The following APBB2 variants were observed in gnomAD, a reference collection of about 807,000 sequenced individuals.
APBB2 encodes Fe65-like 1.
A neutral mutation model predicts 82.5 loss-of-function variants in APBB2; 38 were observed. That is an observed-to-expected ratio of 0.46 (90% CI 0.36 to 0.60). APBB2 has a LOEUF of 0.60. APBB2 is among the 20% of genes least tolerant of loss of function. The probability of loss-of-function intolerance (pLI) is 0.00; values close to 1 mark genes in which losing one functional copy is unlikely to be tolerated. For missense variants in APBB2, 772 were observed against 972.3 expected (o/e 0.79, Z 2.74); for synonymous variants, 341 against 368.2 (o/e 0.93, Z 0.85).
chr4:41,041,089 C>G (rs1181784240), intron 4 of APBB2, among the ~76,000 whole-genome samples: 2 of 152,106 alleles, frequency 1.3e-5, no homozygotes, highest in East Asian at 3.8e-4. Context: ...ACCGTGTTAG[C>G]CAGGATGGTC....
Position 40,948,890 on chromosome 4 carries a change from C to CAAAA in APBB2, c.836-3821_836-3818dup, listed in dbSNP as rs59172492. On this transcript the variant is annotated intron_variant, in intron 6 of 17. Transcript: ENST00000508593. ...GGTGACAGAAGTGAGATCCTGTCTC[C>CAAAA]AAAAAAAAAAAAAAAAAAAAAAAAA... 1.8e-3 allele frequency among the ~76,000 whole-genome samples: 178 copies of CAAAA among 101,572 alleles called. 2 individuals carry two copies. The highest frequency in any genetic ancestry group is 6.1e-3 in the Middle Eastern group (1 of 164). 66.6% of individuals were successfully genotyped at this position (101,572 alleles called of 152,430 possible).
intron 4 of APBB2, among the ~76,000 whole-genome samples, chr4:41,059,600 G>T (rs148250080): frequency 1.3e-5 from 2 of 152,402 alleles, no homozygotes; most frequent in African/African-American, 4.8e-5. Flanking sequence ...AATAGCATGA[G>T]CAATTTATGC....
chr4:41,166,833 G>A (rs961915209), intron 1 of APBB2, among the ~76,000 whole-genome samples: 3 of 152,084 alleles, frequency 2.0e-5, no homozygotes, highest in African/African-American at 7.2e-5. Context: ...GGAGGCAGAC[G>A]TTGCAGTGAG....
intron 10 of APBB2, among the ~76,000 whole-genome samples, chr4:40,895,639 C>T (rs1218229969): frequency 6.6e-6 from 1 of 152,196 alleles, no homozygotes; most frequent in Admixed American, 6.5e-5. Flanking sequence ...CAGTCTGATC[C>T]CTAAGTGCCC....
At chr4:40,886,929 T>C (rs1770478978) in intron 12 of APBB2, among the ~76,000 whole-genome samples, 1 of 152,138 alleles carries the variant, frequency 6.6e-6, no homozygotes, top group African/African-American at 2.4e-5. Context: ...AAAACTCAAC[T>C]ATGGCCAAGA....
intron 1 of APBB2, among the ~76,000 whole-genome samples, chr4:41,194,654 A>C: frequency 6.6e-6 from 1 of 151,886 alleles, no homozygotes; most frequent in South Asian, 2.1e-4. Context: ...ACAGAGCAAG[A>C]CCTTGCCTCA....
At chr4:41,146,667 G>A (rs1760852028) in intron 1 of APBB2, among the ~76,000 whole-genome samples, 1 of 152,000 alleles carries the variant, frequency 6.6e-6, no homozygotes, top group African/African-American at 2.4e-5. Flanking sequence ...ATCTACCTAT[G>A]GTATCCACGC....
Position 40,813,061 on chromosome 4 carries a change from T to C in APBB2, c.*3031A>G, listed in dbSNP as rs1315026238. 6.6e-6 allele frequency: 1 copy of C among 152,242 alleles called. No homozygotes were observed. Among genetic ancestry groups the C allele is most frequent in the Admixed American group, 6.5e-5 (1 of 15,290 alleles). 9.4% of individuals were successfully genotyped at this position (152,242 alleles called of 1,614,324 possible). A position where few individuals can be genotyped will look rare whatever the true frequency, so the allele number is the denominator to read the frequency against. On this transcript the variant is annotated 3_prime_UTR_variant, in exon 18 of 18. Coordinates refer to ENST00000508593, the MANE Select transcript of APBB2 (RefSeq NM_004307.2). ...TTGATGTTGCCAAGGAGCAGATGTA[T>C]GAGGTGGCAAGTCTGTGTCTATCTA...
intron 5 of APBB2, among the ~76,000 whole-genome samples, chr4:41,029,010 T>C (rs1406102500): frequency 6.6e-6 from 1 of 152,216 alleles, no homozygotes; most frequent in African/African-American, 2.4e-5. Context: ...CTGCTCTCCC[T>C]TTACTCCCGC....
rs181053551 is a variant in APBB2 at position 41,099,854 on chromosome 4, T to C, written c.-149+785A>G. Among the ~76,000 whole-genome samples, 13 of 152,286 alleles carry C rather than the reference T, an allele frequency of 8.5e-5. No homozygotes were observed. The East Asian group carries it at 2.1e-3, about 25-fold the overall frequency. ...TTTCTGGAACATGCTAGAGAGGATA[T>C]TTGTGTATGTTTCTGTGCGTGCACG... On this transcript the variant is annotated intron_variant, in intron 3 of 17. Transcript: ENST00000508593.
intron 1 of APBB2, among the ~76,000 whole-genome samples, chr4:41,175,060 A>C (rs2154056865): frequency 6.6e-6 from 1 of 152,328 alleles, no homozygotes; most frequent in Non-Finnish European, 1.5e-5. Context: ...AAGGAAAACT[A>C]GAAATAGTTT....
chr4:41,110,865 T>C (rs1748958721), intron 2 of APBB2, among the ~76,000 whole-genome samples: 2 of 152,162 alleles, frequency 1.3e-5, no homozygotes. Context: ...GGGTTTAGGA[T>C]AATTCAAATG....
intron 10 of APBB2, among the ~76,000 whole-genome samples, chr4:40,917,777 T>G (rs1780205955): frequency 1.3e-5 from 2 of 152,206 alleles, no homozygotes; most frequent in Admixed American, 6.5e-5. Flanking sequence ...TGAGGAGTAT[T>G]TGCAGAACAG....
At chr4:41,144,435 G>A (rs1051028029) in intron 1 of APBB2, among the ~76,000 whole-genome samples, 1 of 152,154 alleles carries the variant, frequency 6.6e-6, no homozygotes, top group African/African-American at 2.4e-5. Flanking sequence ...GGAATGGAAA[G>A]CTATTTGTAT....
chr4:41,014,086 GC>G lies in APBB2; in HGVS notation c.331del (p.Ala111GlnfsTer12), dbSNP rs1256362468. The stretch of plus-strand genomic sequence containing the variant: ...GTTGGGGTCCTGCTGCCCTTGCTCT[GC>G]AGCCTTACGGAGCTGGTTCTCCCCA... ...KNGENQLRKA[A>X]EQGQQDPNKN... On this transcript the variant is annotated frameshift_variant, in exon 6 of 18. Coordinates refer to ENST00000508593, the MANE Select transcript of APBB2 (RefSeq NM_004307.2). LOFTEE classifies it high-confidence loss of function. 2 of 1,614,198 alleles carry G rather than the reference GC, an allele frequency of 1.2e-6. No individual in the cohort carries two copies. The highest frequency in any genetic ancestry group is 1.7e-6 in the Non-Finnish European group (2 of 1,180,040).
intron 3 of APBB2, among the ~76,000 whole-genome samples, chr4:41,066,883 G>C (rs35454964): frequency 0.17 from 26,609 of 152,134 alleles, 2,767 homozygotes; most frequent in Admixed American, 0.24. Flanking sequence ...GGATTTGAAG[G>C]GGGCAGGGTA....
intron 3 of APBB2, among the ~76,000 whole-genome samples, chr4:41,077,130 G>A (rs927648445): frequency 1.0e-4 from 15 of 150,394 alleles, no homozygotes; most frequent in African/African-American, 1.5e-4. Flanking sequence ...TCAACTTCCC[G>A]AGTAACTAGG....
At chr4:41,204,144 C>T (rs750345733) in intron 1 of APBB2, among the ~76,000 whole-genome samples, 16 of 152,192 alleles carry the variant, frequency 1.1e-4, no homozygotes, top group Non-Finnish European at 2.1e-4. Flanking sequence ...GGATAAAAGC[C>T]GAAAGGCCAG....
At chr4:41,019,045 T>C (rs1810766569) in intron 5 of APBB2, among the ~76,000 whole-genome samples, 1 of 152,226 alleles carries the variant, frequency 6.6e-6, no homozygotes, top group African/African-American at 2.4e-5. Flanking sequence ...TTGAAGAGTC[T>C]GGTGAATTGA....
Sources: allele counts gnomAD v4.1 joint callset (sites outside exome capture counted in the v4.1 genomes callset), GRCh38; gene constraint gnomAD v4.1.1; transcripts MANE v1.5; gene names NCBI Gene and HGNC (gene_info 2026-07-23, HGNC 2026-07-21).